The following TNRC6A variants were observed in gnomAD, a reference collection of about 807,000 sequenced individuals.
The protein encoded by TNRC6A is trinucleotide repeat containing adaptor 6A.
TNRC6A carries 44 observed loss-of-function variants against 221.2 expected under a neutral mutation model. That is an observed-to-expected ratio of 0.20 (90% CI 0.16 to 0.26). TNRC6A has a LOEUF of 0.26. Ranked by LOEUF, TNRC6A falls within the 10% of genes least tolerant of loss-of-function variation. The pLI is 1.00. For synonymous variants in TNRC6A, 847 were observed against 838.5 expected (o/e 1.01, Z -0.18); for missense variants, 2,199 against 2,404.4 (o/e 0.91, Z 1.79).
chr16:24,633,861 C>A (rs1217096656), intron 1 of TNRC6A, among the ~76,000 whole-genome samples: 1 of 151,822 alleles, frequency 6.6e-6, no homozygotes, highest in African/African-American at 2.4e-5. Context: ...CAGCTCCCTG[C>A]AACCTCTGCC....
At position 24,815,182 on chromosome 16, in the gene TNRC6A, C is replaced by G. The variant is rs1178579526; in HGVS notation, c.4708C>G (p.Pro1570Ala). ...AAGTGGTTTCAGGCTGGAAGAGTCTCCATTTGTTCCCTATGACTTTATGAA... is the reference window on the plus strand; with the variant it reads ...AAGTGGTTTCAGGCTGGAAGAGTCTGCATTTGTTCCCTATGACTTTATGAA... ...ISSGFRLEESPFVPYDFMNSS... is the reference protein window; with the variant it reads ...ISSGFRLEESAFVPYDFMNSS... The change falls in exon 19 of 25, where the codon CCA becomes GCA. Residue 1570 changes from proline to alanine, a missense_variant. By Grantham distance (27) the Pro-to-Ala change is conservative. Coordinates refer to ENST00000395799, the MANE Select transcript of TNRC6A (RefSeq NM_014494.4). The G allele has an allele frequency of 1.2e-6, 2 of 1,614,090 alleles. No homozygotes were observed. The highest frequency in any genetic ancestry group is 2.7e-5 in the African/African-American group (2 of 74,944).
At position 24,675,364 on chromosome 16, in the gene TNRC6A, TAC is replaced by T. The variant is rs553412554; in HGVS notation, n.402+34357_402+34358del. On this transcript the variant is annotated intron_variant and non_coding_transcript_variant, in intron 2 of 2. Coordinates refer to the TNRC6A transcript ENST00000566108. Reference sequence around the variant, plus strand: ...CCTAAGATTTCAGGCTGCCGAAGGATACAGATGCATTTTAGCTTTAAAAGAGG... The same window carrying T: ...CCTAAGATTTCAGGCTGCCGAAGGATAGATGCATTTTAGCTTTAAAAGAGG... Among the ~76,000 whole-genome samples the T allele has an allele frequency of 5.4e-3, 827 of 152,122 alleles. 8 individuals are homozygous for T. Among genetic ancestry groups the T allele is most frequent in the Middle Eastern group, 0.01 (3 of 292 alleles).
At chr16:24,749,719 T>C (rs2151393321) in intron 2 of TNRC6A, among the ~76,000 whole-genome samples, 1 of 152,362 alleles carries the variant, frequency 6.6e-6, no homozygotes, top group South Asian at 2.1e-4. Flanking sequence ...CCCTTTTTCC[T>C]GAAAGGTAAT....
At chr16:24,653,826 A>C (rs1902804069) in intron 2 of TNRC6A, among the ~76,000 whole-genome samples, 1 of 152,124 alleles carries the variant, frequency 6.6e-6, no homozygotes, top group South Asian at 2.1e-4. Context: ...ATTACTTTAG[A>C]CTAAAGGACT....
chr16:24,699,239 C>T (rs1016055587), intron 2 of TNRC6A, among the ~76,000 whole-genome samples: 6 of 152,082 alleles, frequency 3.9e-5, no homozygotes, highest in African/African-American at 1.4e-4. Context: ...AAGTCCTATT[C>T]GTGCCTCCAC....
chr16:24,795,761 T>TTCCAC, intron 8 of TNRC6A, 146 bp from the exon 9 acceptor site: 1 of 635,026 alleles, frequency 1.6e-6, no homozygotes, highest in East Asian at 2.7e-5. Context: ...ACTGATGAAT[T>TTCCAC]TGAGACTGGA....
intron 2 of TNRC6A, among the ~76,000 whole-genome samples, chr16:24,644,600 GT>G (rs940527007): frequency 6.7e-6 from 1 of 150,356 alleles, no homozygotes; most frequent in Non-Finnish European, 1.5e-5. Context: ...GGCTAATTTG[GT>G]TTTTTTTTGT....
In TNRC6A at chr16:24,629,065, G is replaced by A. The variant is rs572355675; in HGVS notation, n.277-11819G>A. Among the ~76,000 whole-genome samples the A allele has an allele frequency of 1.6e-4, 25 of 152,066 alleles. No individual in the cohort carries two copies. The South Asian group carries it at 2.1e-3, about 13-fold the overall frequency. ...GTAAATCTAAAAACCTAGTTTTCCC[G>A]AGGCCTTTAACGTAACTCATGAATC... On this transcript the variant is annotated intron_variant and non_coding_transcript_variant, in intron 1 of 2. Coordinates refer to the TNRC6A transcript ENST00000566108.
chr16:24,796,599 G>C (rs925586712), intron 9 of TNRC6A, among the ~76,000 whole-genome samples: 1 of 152,176 alleles, frequency 6.6e-6, no homozygotes, highest in South Asian at 2.1e-4. Context: ...GATGGATGGG[G>C]TGAAAGGAAA....
intron 1 of TNRC6A, among the ~76,000 whole-genome samples, chr16:24,617,985 C>T (rs1900460161): frequency 1.3e-5 from 2 of 152,324 alleles, no homozygotes; most frequent in South Asian, 4.1e-4. Context: ...GTAACCTCTG[C>T]CTCCCAGGTC....
chr16:24,697,961 C>A (rs866871205), intron 2 of TNRC6A, among the ~76,000 whole-genome samples: 9 of 150,536 alleles, frequency 6.0e-5, no homozygotes, highest in Middle Eastern at 6.9e-3. Context: ...ATCACTTGAA[C>A]CTGGGAGGCA....
chr16:24,811,484 C>T (rs531573923), intron 18 of TNRC6A, among the ~76,000 whole-genome samples: 1 of 152,200 alleles, frequency 6.6e-6, no homozygotes, highest in African/African-American at 2.4e-5. Flanking sequence ...GGCCTGTGAT[C>T]TCTGAAGCTG....
intron 2 of TNRC6A, among the ~76,000 whole-genome samples, chr16:24,683,450 G>A (rs535104153): frequency 2.6e-5 from 4 of 152,210 alleles, no homozygotes; most frequent in Non-Finnish European, 5.9e-5. Context: ...CTCCCACTTG[G>A]CCTCCCAAAG....
At position 24,815,492 on chromosome 16, in the gene TNRC6A, G is replaced by A. The variant is rs1262670220; in HGVS notation, c.4831+187G>A. ...CTTGGGCAAGTGAGTGTGTCAGCCT[G>A]TTACCTATGCCTTTATGCTCAAGCA... is the stretch of plus-strand genomic sequence containing the variant. On this transcript the variant is annotated intron_variant, in intron 19 of 24. Transcript: ENST00000395799. The A allele has an allele frequency of 4.6e-6, 3 of 652,886 alleles. No homozygotes were observed. The South Asian group carries it at 5.3e-5, about 11-fold the overall frequency. The allele number at this position is 652,886 out of a possible 1,614,324, so 40.4% of individuals were successfully genotyped here.
chr16:24,612,674 G>C (rs1323502140), intron 1 of TNRC6A, among the ~76,000 whole-genome samples: 1 of 152,016 alleles, frequency 6.6e-6, no homozygotes. Context: ...TTGAGCCCAG[G>C]AGGTCGAGGC....
At chr16:24,712,873 C>T (rs2056230121) in intron 2 of TNRC6A, among the ~76,000 whole-genome samples, 1 of 150,720 alleles carries the variant, frequency 6.6e-6, no homozygotes, top group Admixed American at 6.6e-5. Flanking sequence ...CCCAGCTCAG[C>T]CTCTTGAGAA....
At chr16:24,614,946 T>C (rs1485828006) in intron 1 of TNRC6A, among the ~76,000 whole-genome samples, 2 of 152,122 alleles carry the variant, frequency 1.3e-5, no homozygotes, top group African/African-American at 2.4e-5. Context: ...GACCGGCACC[T>C]GTCAGCTACT....
intron 2 of TNRC6A, among the ~76,000 whole-genome samples, chr16:24,693,616 T>C (rs1305293395): frequency 6.6e-6 from 1 of 151,096 alleles, no homozygotes; most frequent in Admixed American, 6.6e-5. Flanking sequence ...AAATAAAAAA[T>C]TATCCAGGCA....
At chr16:24,704,549 C>T (rs1383425635) in intron 2 of TNRC6A, among the ~76,000 whole-genome samples, 2 of 150,866 alleles carry the variant, frequency 1.3e-5, no homozygotes, top group African/African-American at 4.9e-5. Context: ...CCTGTAATCC[C>T]AGCTACTCAG....
Sources: gnomAD v4.1 joint callset for allele counts (sites outside exome capture counted in the v4.1 genomes callset) on GRCh38, gnomAD v4.1.1 for gene constraint, MANE v1.5 for transcripts, NCBI Gene and HGNC (gene_info 2026-07-23, HGNC 2026-07-21) for gene names.